Variants in TRHDE observed in about 807,000 individuals in gnomAD.
TRHDE encodes the protein thyrotropin-releasing hormone-degrading ectoenzyme.
In TRHDE, 72 loss-of-function variants were observed where a neutral mutation model predicts 125.7. That is an observed-to-expected ratio of 0.57 (90% confidence interval 0.47 to 0.70). The LOEUF is 0.70. Ranked by LOEUF, TRHDE falls within the 30% of genes least tolerant of loss-of-function variation. The pLI is 0.00. For missense variants in TRHDE, 1,110 were observed against 1,327.1 expected (o/e 0.84, Z 2.54); for synonymous variants, 509 against 509.1 (o/e 1.00, Z 0.00).
Position 72,665,089 on chromosome 12 carries a change from C to T in TRHDE, c.*1894C>T, listed in dbSNP as rs907113460. 9 of 152,028 alleles carry T rather than the reference C, an allele frequency of 5.9e-5. No homozygotes were observed. Among genetic ancestry groups the T allele is most frequent in the African/African-American group, 1.9e-4 (8 of 41,430 alleles). The allele number at this position is 152,028 out of a possible 1,614,324, so 9.4% of individuals were successfully genotyped here. On this transcript the variant is annotated 3_prime_UTR_variant, in exon 19 of 19. Transcript: ENST00000261180. ...AAATCCTTAATTAAATGAGTAACTT[C>T]TAAAATATAACAATACTAAATATCA...
intron 3 of TRHDE, among the ~76,000 whole-genome samples, chr12:72,380,566 T>C (rs1431471785): frequency 1.3e-5 from 2 of 152,096 alleles, no homozygotes; most frequent in Non-Finnish European, 2.9e-5. Flanking sequence ...AGGTGAAAGT[T>C]TTCCTGGTGT....
chr12:72,202,183 G>A (rs1877572865), intron 2 of TRHDE, among the ~76,000 whole-genome samples: 1 of 152,138 alleles, frequency 6.6e-6, no homozygotes, highest in Non-Finnish European at 1.5e-5. Flanking sequence ...CTGGGTTCTT[G>A]TTTCTTTGCT....
chr12:72,669,655 ACATT>A lies in TRHDE; in HGVS notation c.*6465_*6468del, dbSNP rs1875201479. ...ATAGCGTATGACCTACTCAGTGAGA[ACATT>A]CATTATTAAGTTTTTGCTATTAATT... is the stretch of plus-strand genomic sequence containing the variant. On this transcript the variant is annotated 3_prime_UTR_variant, in exon 19 of 19. Transcript: ENST00000261180. The A allele has an allele frequency of 6.6e-6, 1 of 151,918 alleles. No individual in the cohort carries two copies. The highest frequency in any genetic ancestry group is 6.6e-5 in the Admixed American group (1 of 15,192). 9.4% of individuals were successfully genotyped at this position (151,918 alleles called of 1,614,324 possible).
chr12:72,593,690 T>G (rs979648760), intron 12 of TRHDE, among the ~76,000 whole-genome samples: 1 of 150,610 alleles, frequency 6.6e-6, no homozygotes. Flanking sequence ...TGACAGGCCC[T>G]GTGTGTAATG....
At chr12:72,502,449 T>G (rs1565768342) in intron 6 of TRHDE, among the ~76,000 whole-genome samples, 2 of 152,154 alleles carry the variant, frequency 1.3e-5, no homozygotes, top group Non-Finnish European at 2.9e-5. Flanking sequence ...ATTACAAATA[T>G]TAGAAGATTT....
intron 2 of TRHDE, among the ~76,000 whole-genome samples, chr12:72,140,702 G>T (rs1876092456): frequency 6.6e-6 from 1 of 152,198 alleles, no homozygotes; most frequent in African/African-American, 2.4e-5. Flanking sequence ...GGCAGAGTAT[G>T]TTAAGGAGCT....
intron 2 of TRHDE, among the ~76,000 whole-genome samples, chr12:72,153,563 T>G (rs1327635654): frequency 6.6e-6 from 1 of 152,208 alleles, no homozygotes; most frequent in Non-Finnish European, 1.5e-5. Context: ...ACACACTGCT[T>G]TGAATGTGTC....
rs1309054180 is a variant in TRHDE at position 72,449,681 on chromosome 12, G to A, written c.1316-20077G>A. ...CAGGATGCAGCATAGAGTTCAGATT[G>A]CAAATATGGACTCTGAAGCTAGGCA... On this transcript the variant is annotated intron_variant, in intron 3 of 18. Coordinates refer to ENST00000261180, the MANE Select transcript of TRHDE (RefSeq NM_013381.3). Among the ~76,000 whole-genome samples, 7 of 151,904 alleles carry A rather than the reference G, an allele frequency of 4.6e-5. 1 individual carries two copies. The highest frequency in any genetic ancestry group is 2.6e-4 in the Admixed American group (4 of 15,242).
rs1041952918 is a variant in TRHDE at position 72,314,313 on chromosome 12, C to T, written c.1188+27359C>T. On this transcript the variant is annotated intron_variant, in intron 2 of 18. Coordinates refer to ENST00000261180, the MANE Select transcript of TRHDE (RefSeq NM_013381.3). ...CTTTTCTTTCTTTCTTTTCTATCTCCTCCCTTCCTCCCTCCCTCCCTCCCT... is the reference window on the plus strand; with the variant it reads ...CTTTTCTTTCTTTCTTTTCTATCTCTTCCCTTCCTCCCTCCCTCCCTCCCT... 7.4e-5 allele frequency among the ~76,000 whole-genome samples: 11 copies of T among 149,610 alleles called. No homozygotes were observed. In the East Asian group the frequency reaches 2.2e-3, roughly 29 times the overall value.
intron 2 of TRHDE, among the ~76,000 whole-genome samples, chr12:72,144,594 C>G (rs1876186563): frequency 6.6e-6 from 1 of 152,126 alleles, no homozygotes; most frequent in Non-Finnish European, 1.5e-5. Flanking sequence ...TGTAAATGCT[C>G]ACCATCAAGA....
intron 2 of TRHDE, among the ~76,000 whole-genome samples, chr12:72,217,225 G>A (rs553310903): frequency 7.9e-5 from 12 of 152,132 alleles, no homozygotes; most frequent in Non-Finnish European, 1.5e-4. Context: ...ATCAGGCCTA[G>A]TAATGAACTT....
chr12:72,459,361 G>A (rs11179216), intron 3 of TRHDE, among the ~76,000 whole-genome samples: 3,407 of 152,192 alleles, frequency 0.022, 122 homozygotes, highest in African/African-American at 0.078. Flanking sequence ...CCAGGAATGA[G>A]GACCTGGACA....
intron 12 of TRHDE, among the ~76,000 whole-genome samples, chr12:72,596,166 T>C (rs1399515523): frequency 6.6e-6 from 1 of 152,116 alleles, no homozygotes; most frequent in Non-Finnish European, 1.5e-5. Context: ...AAAATAATCC[T>C]TCCAGTATGC....
intron 3 of TRHDE, among the ~76,000 whole-genome samples, chr12:72,412,965 G>A (rs866543004): frequency 1.4e-4 from 22 of 151,946 alleles, no homozygotes; most frequent in African/African-American, 4.6e-4. Context: ...GGCAGTGATC[G>A]GGGTGGTGCA....
intron 2 of TRHDE, among the ~76,000 whole-genome samples, chr12:72,290,762 T>C (rs1404392790): frequency 1.3e-5 from 2 of 152,210 alleles, no homozygotes; most frequent in African/African-American, 4.8e-5. Context: ...CAAAGCATGA[T>C]GGCCTTAGGA....
At chr12:72,187,592 C>T (rs1473439617) in intron 2 of TRHDE, among the ~76,000 whole-genome samples, 1 of 151,986 alleles carries the variant, frequency 6.6e-6, no homozygotes, top group African/African-American at 2.4e-5. Flanking sequence ...ATCAGGAACA[C>T]TGATGTCCTA....
At chr12:72,295,125 G>A (rs1313882647) in intron 2 of TRHDE, among the ~76,000 whole-genome samples, 1 of 149,834 alleles carries the variant, frequency 6.7e-6, no homozygotes, top group Admixed American at 6.6e-5. Flanking sequence ...CAGCTGTGGT[G>A]GGGGGTGGCT....
At chr12:72,441,370 C>T (rs1875003068) in intron 3 of TRHDE, among the ~76,000 whole-genome samples, 1 of 151,802 alleles carries the variant, frequency 6.6e-6, no homozygotes, top group African/African-American at 2.4e-5. Context: ...TTTCAGTTTT[C>T]CCTTTACTCT....
intron 2 of TRHDE, among the ~76,000 whole-genome samples, chr12:72,287,577 G>GACACACACACAC (rs10606890): frequency 1.0e-4 from 15 of 147,794 alleles, no homozygotes; most frequent in African/African-American, 3.7e-4. Context: ...TCTATGTATA[G>GACACACACACAC]ACACACACAC....
Sources: allele counts gnomAD v4.1 joint callset (sites outside exome capture counted in the v4.1 genomes callset), GRCh38; gene constraint gnomAD v4.1.1; transcripts MANE v1.5; gene names NCBI Gene and HGNC (gene_info 2026-07-23, HGNC 2026-07-21).